The following DGKD variants were observed in gnomAD, a reference collection of about 807,000 sequenced individuals.
DGKD encodes the protein diacylglycerol kinase delta.
DGKD carries 68 observed loss-of-function variants against 154.4 expected under a neutral mutation model. That is an observed-to-expected ratio of 0.44 (90% confidence interval 0.36 to 0.54). DGKD has a LOEUF of 0.54. DGKD is among the 20% of genes least tolerant of loss of function. The pLI is 0.00. For synonymous variants in DGKD, 693 were observed against 638.0 expected, an observed-to-expected ratio of 1.09 and a Z score of -1.30; for missense variants, 1,343 against 1,593.6, an observed-to-expected ratio of 0.84 and a Z score of 2.68.
chr2:233,449,337 A>T lies in DGKD; in HGVS notation c.1849A>T (p.Lys617Ter). The change falls in exon 15 of 30, where the codon AAG (lysine) becomes TAG (stop). Residue 617 changes from lysine to a stop codon, truncating the protein, a stop_gained. Coordinates refer to ENST00000264057, the MANE Select transcript of DGKD (RefSeq NM_152879.3). LOFTEE classifies it high-confidence loss of function. This position sits in a 1 kb window ranked among gnomAD's most constrained non-coding sequence, Gnocchi z 5.3. The stretch of plus-strand genomic sequence containing the variant: ...GCTCATGCTGAGAGCCAACAGCCTG[A>T]AGAAAGCAATTCGTCAGATCATAGA... The part of the protein sequence containing the change: ...EQLMLRANSL[K>*]KAIRQIIEHT... 6.2e-7 allele frequency: 1 copy of T among 1,607,954 alleles called. No homozygotes were observed. Among genetic ancestry groups the T allele is most frequent in the South Asian group, 1.1e-5 (1 of 90,994 alleles).
chr2:233,419,160 C>G (rs2062039093), intron 3 of DGKD: 1 of 950,986 alleles, frequency 1.1e-6, no homozygotes, highest in African/African-American at 1.8e-5. Flanking sequence ...GGCCACCTTT[C>G]CAAGCGCTGC....
At chr2:233,368,532 A>C (rs2125392987) in intron 1 of DGKD, among the ~76,000 whole-genome samples, 1 of 152,170 alleles carries the variant, frequency 6.6e-6, no homozygotes, top group South Asian at 2.1e-4. Flanking sequence ...ATAAAAGGAT[A>C]TTTGCTCACT....
At chr2:233,443,556 T>C (rs1212404804) in intron 10 of DGKD, among the ~76,000 whole-genome samples, 1 of 152,184 alleles carries the variant, frequency 6.6e-6, no homozygotes, top group Non-Finnish European at 1.5e-5. Context: ...TATTTTCTTA[T>C]GTTTATTATG....
intron 1 of DGKD, among the ~76,000 whole-genome samples, chr2:233,356,140 C>A (rs1454435919): frequency 1.3e-5 from 2 of 152,310 alleles, no homozygotes; most frequent in South Asian, 4.1e-4. Context: ...AAGGTGAGAT[C>A]TTGAGGGATA....
chr2:233,388,573 T>A, intron 2 of DGKD: 1 of 480,098 alleles, frequency 2.1e-6, no homozygotes, highest in Non-Finnish European at 3.6e-6. Flanking sequence ...CTGTTCATTT[T>A]CCTTTTCTTT....
intron 6 of DGKD, 67 bp from the exon 7 acceptor site, chr2:233,436,249 A>G (rs1256647728): frequency 1.2e-6 from 2 of 1,603,922 alleles, no homozygotes; most frequent in Non-Finnish European, 1.7e-6. Context: ...CACAACGAGC[A>G]TTTCCTGGCT....
intron 1 of DGKD, among the ~76,000 whole-genome samples, chr2:233,387,996 C>T (rs1373695275): frequency 2.6e-5 from 4 of 152,166 alleles, no homozygotes; most frequent in Admixed American, 2.0e-4. Context: ...TCTGCCAGTG[C>T]GTCCAGGGCA....
At chr2:233,421,285 C>T (rs890096850) in intron 3 of DGKD, among the ~76,000 whole-genome samples, 2 of 152,152 alleles carry the variant, frequency 1.3e-5, no homozygotes, top group Admixed American at 1.3e-4. Context: ...TCGGAGGTCA[C>T]TGTGGACTCC....
At chr2:233,465,948 T>G (rs2063810704) in intron 27 of DGKD, among the ~76,000 whole-genome samples, 1 of 152,260 alleles carries the variant, frequency 6.6e-6, no homozygotes, top group Non-Finnish European at 1.5e-5. Context: ...ATTGCATATG[T>G]AAGACAATAA....
At chr2:233,409,648 A>G (rs1261540310) in intron 3 of DGKD, among the ~76,000 whole-genome samples, 1 of 152,104 alleles carries the variant, frequency 6.6e-6, no homozygotes, top group African/African-American at 2.4e-5. Flanking sequence ...CCTTGAAACA[A>G]CTTGTTATCA....
rs1043626513 is a variant in DGKD, at chr2:233,461,681, C to G, written c.2982-667C>G. ...CAAAGCCCATGGTGGCCCCTCTGGC[C>G]TGCCTGGAAGGTGCACTTGCACAGC... On this transcript the variant is annotated intron_variant, in intron 24 of 29. Coordinates refer to ENST00000264057, the MANE Select transcript of DGKD (RefSeq NM_152879.3). Among the ~76,000 whole-genome samples the G allele has an allele frequency of 4.6e-5, 7 of 152,398 alleles. No individual in the cohort carries two copies. The South Asian group carries it at 1.4e-3, about 32-fold the overall frequency.
intron 1 of DGKD, chr2:233,385,911 C>G (rs1429189023): frequency 2.8e-6 from 1 of 358,542 alleles, no homozygotes; most frequent in African/African-American, 8.3e-5. Context: ...TCTGAGCACT[C>G]TTGTTATAAA....
At chr2:233,439,558 A>C (rs1267087419) in intron 9 of DGKD, among the ~76,000 whole-genome samples, 2 of 152,130 alleles carry the variant, frequency 1.3e-5, no homozygotes, top group East Asian at 3.8e-4. Context: ...AAGATATTTT[A>C]ATTTTAATTT....
At chr2:233,460,158 A>G in intron 23 of DGKD, 36 bp from the exon 24 acceptor site, 1 of 1,609,120 alleles carries the variant, frequency 6.2e-7, no homozygotes, top group Non-Finnish European at 8.5e-7. Context: ...TGCATGCTTC[A>G]GAGCAGCAGG....
intron 1 of DGKD, among the ~76,000 whole-genome samples, chr2:233,374,590 C>G (rs1048754286): frequency 6.6e-6 from 1 of 152,026 alleles, no homozygotes; most frequent in Non-Finnish European, 1.5e-5. Context: ...CCACCTCTTT[C>G]TCCCAAAGTG....
At chr2:233,382,836 C>T (rs760126519) in intron 1 of DGKD, among the ~76,000 whole-genome samples, 17 of 152,242 alleles carry the variant, frequency 1.1e-4, no homozygotes, top group African/African-American at 3.4e-4. Context: ...AGCACAGTCA[C>T]GGACTGTGCA....
chr2:233,403,700 C>T (rs1559508362), intron 3 of DGKD, among the ~76,000 whole-genome samples: 2 of 150,414 alleles, frequency 1.3e-5, no homozygotes, highest in South Asian at 2.1e-4. Context: ...AGTGTAGTGG[C>T]GCGATTTAGG....
chr2:233,418,363 C>A (rs1013570577), intron 3 of DGKD, among the ~76,000 whole-genome samples: 4 of 152,190 alleles, frequency 2.6e-5, no homozygotes, highest in Non-Finnish European at 5.9e-5. Flanking sequence ...GAGGCCCCCC[C>A]GCCAACCATG....
At chr2:233,408,658 A>G (rs1314713857) in intron 3 of DGKD, among the ~76,000 whole-genome samples, 10 of 152,198 alleles carry the variant, frequency 6.6e-5, no homozygotes, top group African/African-American at 1.9e-4. Context: ...CCATCTGCCA[A>G]TGAGGGTGGT....
Sources: allele counts gnomAD v4.1 joint callset (sites outside exome capture counted in the v4.1 genomes callset), GRCh38; gene constraint gnomAD v4.1.1; non-coding constraint Gnocchi (gnomAD v3.1); transcripts MANE v1.5; gene names NCBI Gene and HGNC (gene_info 2026-07-23, HGNC 2026-07-21).